RNF150: variants seen among roughly 807,000 people sequenced by gnomAD.
The protein encoded by RNF150 is ring finger protein 150.
In RNF150, 24 loss-of-function variants were observed where a neutral mutation model predicts 39.3. The ratio of observed to expected loss-of-function variants is 0.61; its 90% CI spans 0.44 to 0.86. The LOEUF (loss-of-function observed/expected upper bound fraction) is 0.86, where lower values mean the gene tolerates loss of function less well. Among genes scored for constraint, RNF150 ranks in the 40% least tolerant of loss-of-function variants. The probability of loss-of-function intolerance (pLI) is 0.00; values close to 1 mark genes in which losing one functional copy is unlikely to be tolerated. For synonymous variants in RNF150, 255 were observed against 227.3 expected, an observed-to-expected ratio of 1.12 and a Z score of -1.10; for missense variants, 502 against 587.8, an observed-to-expected ratio of 0.85 and a Z score of 1.51.
chr4:140,906,655 T>G lies in RNF150; in HGVS notation c.1198+4489A>C, dbSNP rs1578950827. Among the ~76,000 whole-genome samples the G allele has an allele frequency of 4.6e-5, 7 of 152,302 alleles. No homozygotes were observed. The South Asian group carries it at 1.5e-3, about 32-fold the overall frequency. Reference sequence around the variant, plus strand: ...CATTTTTCATTTCAACTGGCCAAGTTTTTGCCTTTACATTAATTCATGTGT... The same window carrying G: ...CATTTTTCATTTCAACTGGCCAAGTGTTTGCCTTTACATTAATTCATGTGT... On this transcript the variant is annotated intron_variant, in intron 6 of 6. Coordinates refer to ENST00000515673, the MANE Select transcript of RNF150 (RefSeq NM_020724.2).
intron 6 of RNF150, among the ~76,000 whole-genome samples, chr4:140,878,024 G>A (rs1729224345): frequency 6.6e-6 from 1 of 152,078 alleles, no homozygotes. Context: ...CTGAAGTGTT[G>A]GCTGTGGTTT....
At chr4:140,987,050 A>T (rs1297648731) in intron 1 of RNF150, among the ~76,000 whole-genome samples, 2 of 152,056 alleles carry the variant, frequency 1.3e-5, no homozygotes, top group African/African-American at 4.8e-5. Context: ...ATATCTAAGG[A>T]TACATCTGAT....
intron 1 of RNF150, among the ~76,000 whole-genome samples, chr4:141,007,429 TATCACAGGGTGA>T (rs1361821309): frequency 6.6e-6 from 1 of 152,204 alleles, no homozygotes; most frequent in Non-Finnish European, 1.5e-5. Context: ...ATCTTCTTTC[TATCACAGGGTGA>T]ACGGACTATG....
chr4:140,899,944 T>TTCTATCTCTCTCTCTCTCTCTC (rs1730115203), intron 6 of RNF150, among the ~76,000 whole-genome samples: 1 of 110,022 alleles, frequency 9.1e-6, no homozygotes, highest in Non-Finnish European at 1.8e-5. Context: ...CTCTCTCACT[T>TTCTATCTCTCTCTCTCTCTCTC]TCTCTCTCTC....
At chr4:140,880,295 C>T (rs1729323267) in intron 6 of RNF150, among the ~76,000 whole-genome samples, 1 of 152,126 alleles carries the variant, frequency 6.6e-6, no homozygotes, top group African/African-American at 2.4e-5. Flanking sequence ...TGGTGTATTA[C>T]ACTGACTGAT....
chr4:141,076,403 G>T (rs981640470), intron 1 of RNF150, among the ~76,000 whole-genome samples: 2 of 151,990 alleles, frequency 1.3e-5, no homozygotes, highest in Non-Finnish European at 2.9e-5. Flanking sequence ...CCTCTTCCTT[G>T]ATCTGGAGTG....
At chr4:141,018,491 C>T (rs1735364236) in intron 1 of RNF150, among the ~76,000 whole-genome samples, 1 of 152,124 alleles carries the variant, frequency 6.6e-6, no homozygotes, top group Non-Finnish European at 1.5e-5. Context: ...TGAAGCCATT[C>T]AGCATGGATG....
At position 141,132,064 on chromosome 4, in the gene RNF150, T is replaced by G. The variant is rs1351484049; in HGVS notation, c.484+261A>C. On this transcript the variant is annotated intron_variant, in intron 1 of 6. Coordinates refer to ENST00000515673, the MANE Select transcript of RNF150 (RefSeq NM_020724.2). The surrounding 1 kb of genome is among the most constrained non-coding windows in gnomAD (Gnocchi z 4.9). ...CCTTCCAGGTCCCCCTCGGAAAAGT[T>G]AGCCCGCCACGTTGAACCCCTGTCC... is the stretch of plus-strand genomic sequence containing the variant. 6.6e-6 allele frequency among the ~76,000 whole-genome samples: 1 copy of G among 152,104 alleles called. No individual in the cohort carries two copies. Among genetic ancestry groups the G allele is most frequent in the East Asian group, 1.9e-4 (1 of 5,168 alleles).
At chr4:141,147,094 A>G (rs1727217837) in intron 1 of RNF150, among the ~76,000 whole-genome samples, 1 of 152,156 alleles carries the variant, frequency 6.6e-6, no homozygotes, top group Non-Finnish European at 1.5e-5. Context: ...AGCTGGGCCT[A>G]CAGGTGTATG....
Position 140,891,730 on chromosome 4 carries a change from G to A in RNF150, c.1198+19414C>T, listed in dbSNP as rs74794271. Among the ~76,000 whole-genome samples the A allele has an allele frequency of 1.4e-3, 207 of 152,238 alleles. 3 individuals carry two copies. In the East Asian group the frequency reaches 0.036, roughly 26 times the overall value. ...TTGTATATTTTAAACCTGGGCCACC[G>A]ACTGGTACCAGTCCATGGTCTGTTA... On this transcript the variant is annotated intron_variant, in intron 6 of 6. Transcript: ENST00000515673.
chr4:141,096,081 C>T (rs868180967), intron 1 of RNF150, among the ~76,000 whole-genome samples: 8 of 151,478 alleles, frequency 5.3e-5, no homozygotes, highest in Middle Eastern at 3.4e-3. Flanking sequence ...TTAATGGCCA[C>T]ATTTACTTCT....
chr4:140,926,148 G>A (rs762903869), intron 4 of RNF150, 75 bp from the exon 5 acceptor site: 38 of 1,051,268 alleles, frequency 3.6e-5, no homozygotes, highest in South Asian at 7.9e-5. Flanking sequence ...CCAGGGACTC[G>A]TCCAAGGTCA....
At chr4:140,909,122 C>T (rs138025247) in intron 6 of RNF150, among the ~76,000 whole-genome samples, 225 of 152,226 alleles carry the variant, frequency 1.5e-3, no homozygotes, top group Non-Finnish European at 2.2e-3. Context: ...ACCTGGTACA[C>T]CAAAAAGAGA....
chr4:141,102,676 G>C (rs1027434513), intron 1 of RNF150, among the ~76,000 whole-genome samples: 1 of 152,100 alleles, frequency 6.6e-6, no homozygotes, highest in African/African-American at 2.4e-5. Context: ...ACCATGGCTC[G>C]GAGGCCTGCT....
intron 1 of RNF150, among the ~76,000 whole-genome samples, chr4:141,152,797 G>A (rs1380536933): frequency 6.6e-6 from 1 of 152,130 alleles, no homozygotes; most frequent in Non-Finnish European, 1.5e-5. Flanking sequence ...ATAATGGGAA[G>A]AATACTAAAT....
At chr4:141,182,059 A>G (rs1422854908) in intron 1 of RNF150, among the ~76,000 whole-genome samples, 1 of 152,146 alleles carries the variant, frequency 6.6e-6, no homozygotes, top group Non-Finnish European at 1.5e-5. Flanking sequence ...CAGCATATAA[A>G]CAGAGCCAAA....
intron 2 of RNF150, among the ~76,000 whole-genome samples, chr4:140,966,354 G>C (rs1051833831): frequency 6.6e-6 from 1 of 151,938 alleles, no homozygotes; most frequent in Non-Finnish European, 1.5e-5. Flanking sequence ...AAGAAAAAAA[G>C]ATAATAAATG....
chr4:141,124,497 G>A (rs984108464), intron 1 of RNF150, among the ~76,000 whole-genome samples: 11 of 152,300 alleles, frequency 7.2e-5, no homozygotes, highest in African/African-American at 1.9e-4. Flanking sequence ...TAAATGAAGC[G>A]GAAAACATCT....
At chr4:141,037,865 G>A (rs1023715517) in intron 1 of RNF150, among the ~76,000 whole-genome samples, 1 of 152,074 alleles carries the variant, frequency 6.6e-6, no homozygotes, top group South Asian at 2.1e-4. Context: ...CTTAACCATG[G>A]TCATAAAAAT....
Sources: gnomAD v4.1 joint callset for allele counts (sites outside exome capture counted in the v4.1 genomes callset) on GRCh38, gnomAD v4.1.1 for gene constraint, Gnocchi (gnomAD v3.1) non-coding constraint, MANE v1.5 for transcripts, NCBI Gene and HGNC (gene_info 2026-07-23, HGNC 2026-07-21) for gene names.